CACNA2D3: variants seen among roughly 807,000 people sequenced by gnomAD.
CACNA2D3 encodes voltage-dependent calcium channel subunit alpha-2/delta-3.
In CACNA2D3, 60 loss-of-function variants were observed where a neutral mutation model predicts 160.6. That is an observed-to-expected ratio of 0.37 (90% CI 0.30 to 0.46). The LOEUF (loss-of-function observed/expected upper bound fraction) is 0.46. CACNA2D3 is among the 20% of genes least tolerant of loss of function. The pLI is 1.00. For synonymous variants in CACNA2D3, 558 were observed against 492.9 expected (o/e 1.13, Z -1.75); for missense variants, 1,205 against 1,365.0 (o/e 0.88, Z 1.85).
At chr3:54,296,347 T>C (rs1346691795) in intron 2 of CACNA2D3, among the ~76,000 whole-genome samples, 1 of 152,198 alleles carries the variant, frequency 6.6e-6, no homozygotes, top group Non-Finnish European at 1.5e-5. Context: ...GTGTTGGTTA[T>C]GTAGGAAAGT....
At chr3:54,687,121 C>CTTTTTCTTTTTTTT in intron 11 of CACNA2D3, among the ~76,000 whole-genome samples, 2 of 94,978 alleles carry the variant, frequency 2.1e-5, no homozygotes, top group African/African-American at 8.0e-5. Flanking sequence ...TTTTCTTTTT[C>CTTTTTCTTTTTTTT]TTTTTTTTTT....
At chr3:54,291,565 T>G (rs1703206439) in intron 2 of CACNA2D3, among the ~76,000 whole-genome samples, 2 of 152,176 alleles carry the variant, frequency 1.3e-5, no homozygotes, top group South Asian at 4.1e-4. Flanking sequence ...AGGTAAGTGT[T>G]AATTACTATG....
At chr3:54,804,721 T>C (rs771478953) in intron 13 of CACNA2D3, among the ~76,000 whole-genome samples, 1 of 152,124 alleles carries the variant, frequency 6.6e-6, no homozygotes, top group East Asian at 1.9e-4. Flanking sequence ...TCTACAGAAC[T>C]CTCCACCCCA....
intron 10 of CACNA2D3, chr3:54,632,307 T>C (rs1187614993): frequency 6.6e-6 from 1 of 152,180 alleles, no homozygotes; most frequent in Non-Finnish European, 1.5e-5. Flanking sequence ...TTTCTTTCCA[T>C]GTGTTTGGGA....
At chr3:54,535,669 A>G (rs193300231) in intron 5 of CACNA2D3, among the ~76,000 whole-genome samples, 1 of 152,340 alleles carries the variant, frequency 6.6e-6, no homozygotes, top group Admixed American at 6.5e-5. Context: ...ATTATTAATA[A>G]TTATAGAGGT....
chr3:54,826,121 A>T (rs2106735829), intron 14 of CACNA2D3, among the ~76,000 whole-genome samples: 1 of 152,338 alleles, frequency 6.6e-6, no homozygotes, highest in Admixed American at 6.5e-5. Context: ...TTTCTTAGTA[A>T]ATTGAGCCAC....
Position 54,859,972 on chromosome 3 carries a change from G to GCGCGCGCACACA in CACNA2D3, c.1627-11566_1627-11565insGCGCGCACACAC, listed in dbSNP as rs535185040. Reference sequence around the variant, plus strand: ...TTAGAACATCATCTGGAAAGTAGATGCACACACACACACACACACACACAC... The same window carrying GCGCGCGCACACA: ...TTAGAACATCATCTGGAAAGTAGATGCGCGCGCACACACACACACACACACACACACACACAC... On this transcript the variant is annotated intron_variant, in intron 17 of 37. Coordinates refer to ENST00000474759, the MANE Select transcript of CACNA2D3 (RefSeq NM_018398.3). 5.2e-3 allele frequency among the ~76,000 whole-genome samples: 693 copies of GCGCGCGCACACA among 133,868 alleles called. 16 individuals are homozygous for GCGCGCGCACACA. The highest frequency in any genetic ancestry group is 0.017 in the African/African-American group (602 of 35,930). The allele number at this position is 133,868 out of a possible 152,430, so 87.8% of individuals were successfully genotyped here.
At chr3:55,063,649 A>T (rs1575459114) in intron 35 of CACNA2D3, among the ~76,000 whole-genome samples, 1 of 152,028 alleles carries the variant, frequency 6.6e-6, no homozygotes, top group Non-Finnish European at 1.5e-5. Context: ...TGGGGCTGGG[A>T]TGGTTGAACA....
At chr3:54,465,234 G>T (rs1700599705) in intron 4 of CACNA2D3, among the ~76,000 whole-genome samples, 1 of 151,398 alleles carries the variant, frequency 6.6e-6, no homozygotes, top group Non-Finnish European at 1.5e-5. Flanking sequence ...GTTTCCTTCA[G>T]ATCATGTATT....
chr3:54,870,573 A>C (rs1699503689), intron 17 of CACNA2D3, among the ~76,000 whole-genome samples: 1 of 152,218 alleles, frequency 6.6e-6, no homozygotes, highest in African/African-American at 2.4e-5. Context: ...GAAAGGCCTC[A>C]AGACACAAGA....
In CACNA2D3 at chr3:54,196,865, C is replaced by T. The variant is rs115716640; in HGVS notation, c.204+73271C>T. ...TTGCTTCTATGTAAGATAATGCATGCGTCCGATACATTATCGACGGAAGAT... is the reference window on the plus strand; with the variant it reads ...TTGCTTCTATGTAAGATAATGCATGTGTCCGATACATTATCGACGGAAGAT... On this transcript the variant is annotated intron_variant, in intron 2 of 37. Transcript: ENST00000474759. Among the ~76,000 whole-genome samples the T allele has an allele frequency of 2.5e-3, 375 of 152,210 alleles. 2 individuals carry two copies. The highest frequency in any genetic ancestry group is 8.0e-3 in the African/African-American group (334 of 41,528).
In CACNA2D3 at chr3:54,786,125, C is replaced by G. The variant is rs551186316; in HGVS notation, c.1380+21774C>G. On this transcript the variant is annotated intron_variant, in intron 13 of 37. Transcript: ENST00000474759. ...ATAGAAAGGGACCACCTATTACTCT[C>G]TCATAGAACCACTTCTTGTTCTTGT... Among the ~76,000 whole-genome samples the G allele has an allele frequency of 2.6e-5, 4 of 152,248 alleles. No homozygotes were observed. The South Asian group carries it at 8.3e-4, about 32-fold the overall frequency.
At chr3:54,149,921 CTCTCTCT>C in intron 2 of CACNA2D3, among the ~76,000 whole-genome samples, 2 of 79,054 alleles carry the variant, frequency 2.5e-5, no homozygotes, top group African/African-American at 1.1e-4. Context: ...CTCTCTCTCT[CTCTCTCT>C]CTCCCTCCCT....
intron 29 of CACNA2D3, among the ~76,000 whole-genome samples, 185 bp from the exon 30 acceptor site, chr3:54,984,423 C>T (rs376933083): frequency 1.2e-4 from 19 of 152,048 alleles, no homozygotes; most frequent in Non-Finnish European, 7.4e-5. Context: ...AAGTAAACAC[C>T]GGGGTTATCT....
At chr3:54,831,972 TTTTTTTTCCTCC>T (rs1703887613) in intron 14 of CACNA2D3, among the ~76,000 whole-genome samples, 1 of 149,424 alleles carries the variant, frequency 6.7e-6, no homozygotes, top group African/African-American at 2.5e-5. Context: ...CCTTTCCCTC[TTTTTTTTCCTCC>T]CTCCCTCTTT....
chr3:55,073,792 A>C lies in CACNA2D3; in HGVS notation c.3116A>C (p.Lys1039Thr), dbSNP rs1704875891. 6.2e-7 allele frequency: 1 copy of C among 1,613,298 alleles called. No individual in the cohort carries two copies. ...PIEIRYNESL[K>T]CERLKAQKIR... ...TACAGTCAACATAATGAATCCCTTA[A>C]GTGTGAACGTCTAAAGGCCCAGAAG... The change falls in exon 37 of 38, where the codon AAG (lysine) becomes ACG (threonine). Residue 1039 changes from lysine (K) to threonine (T), a missense_variant. Physicochemically the swap from Lys to Thr is moderately conservative, Grantham distance 78. Coordinates refer to ENST00000474759, the MANE Select transcript of CACNA2D3 (RefSeq NM_018398.3).
intron 11 of CACNA2D3, among the ~76,000 whole-genome samples, chr3:54,750,104 A>C (rs578001586): frequency 6.6e-6 from 1 of 152,346 alleles, no homozygotes; most frequent in South Asian, 2.1e-4. Context: ...CATCTTTTAA[A>C]TTAGGAGTTG....
chr3:55,043,865 T>A (rs1217865252), intron 35 of CACNA2D3, among the ~76,000 whole-genome samples: 1 of 152,226 alleles, frequency 6.6e-6, no homozygotes, highest in African/African-American at 2.4e-5. Flanking sequence ...TATCATTTGT[T>A]GAAAAGACTG....
chr3:55,014,214 T>C (rs1703276454), intron 34 of CACNA2D3, among the ~76,000 whole-genome samples: 1 of 152,198 alleles, frequency 6.6e-6, no homozygotes, highest in South Asian at 2.1e-4. Flanking sequence ...ATGTAGTAAG[T>C]GCATAGTGAA....
Sources: allele counts gnomAD v4.1 joint callset (sites outside exome capture counted in the v4.1 genomes callset), GRCh38; gene constraint gnomAD v4.1.1; transcripts MANE v1.5; gene names NCBI Gene and HGNC (gene_info 2026-07-23, HGNC 2026-07-21).